The following FUT9 variants were observed in gnomAD, a reference collection of about 807,000 sequenced individuals.
FUT9 encodes the protein 4-galactosyl-N-acetylglucosaminide 3-alpha-L-fucosyltransferase 9.
FUT9 carries 15 observed loss-of-function variants against 29.7 expected under a neutral mutation model. The observed-to-expected ratio is 0.51, with a 90% CI of 0.34 to 0.78. The LOEUF (loss-of-function observed/expected upper bound fraction) is 0.78. Among genes scored for constraint, FUT9 ranks in the 30% least tolerant of loss-of-function variants. FUT9 has a pLI of 0.01. For missense variants in FUT9, 319 were observed against 425.4 expected, an observed-to-expected ratio of 0.75 and a Z score of 2.20; for synonymous variants, 169 against 153.7, an observed-to-expected ratio of 1.10 and a Z score of -0.74.
chr6:96,024,255 A>G (rs1770123973), intron 1 of FUT9, among the ~76,000 whole-genome samples: 1 of 151,866 alleles, frequency 6.6e-6, no homozygotes. Flanking sequence ...ATTCTTGGAT[A>G]GGTGCATATG....
At chr6:96,051,960 A>G (rs9404172) in intron 1 of FUT9, among the ~76,000 whole-genome samples, 98,623 of 151,860 alleles carry the variant, frequency 0.65, 33,038 homozygotes, top group African/African-American at 0.83. Context: ...ATTGGGAAGT[A>G]TATTAGTTCC....
chr6:96,122,616 T>C (rs1188461136), intron 2 of FUT9, among the ~76,000 whole-genome samples: 3 of 152,314 alleles, frequency 2.0e-5, no homozygotes, highest in South Asian at 2.1e-4. Context: ...GTAGGTGCCC[T>C]TATAATGACT....
chr6:96,202,185 G>A (rs879428199), intron 2 of FUT9, among the ~76,000 whole-genome samples: 12 of 151,670 alleles, frequency 7.9e-5, no homozygotes, highest in Non-Finnish European at 1.0e-4. Context: ...CATGAATGCC[G>A]AAGAGAAAAA....
At chr6:96,150,759 G>A (rs183685959) in intron 2 of FUT9, among the ~76,000 whole-genome samples, 5 of 152,288 alleles carry the variant, frequency 3.3e-5, no homozygotes, top group East Asian at 1.9e-4. Context: ...CCAGAATACC[G>A]TGGATCTGTG....
intron 2 of FUT9, among the ~76,000 whole-genome samples, chr6:96,168,317 G>A (rs918546954): frequency 9.9e-5 from 15 of 152,136 alleles, no homozygotes; most frequent in South Asian, 2.1e-4. Context: ...GCACATATAT[G>A]TGGAACAAAA....
chr6:96,110,382 G>T (rs1771777097), intron 1 of FUT9, among the ~76,000 whole-genome samples: 1 of 152,162 alleles, frequency 6.6e-6, no homozygotes, highest in Non-Finnish European at 1.5e-5. Context: ...ACTTGGGATT[G>T]CAAAGTGAAT....
intron 1 of FUT9, among the ~76,000 whole-genome samples, chr6:96,059,354 GGTCA>G (rs1770832705): frequency 6.6e-6 from 1 of 152,144 alleles, no homozygotes; most frequent in Non-Finnish European, 1.5e-5. Context: ...CTCCACGTGA[GGTCA>G]GTCAGAGAAT....
intron 1 of FUT9, among the ~76,000 whole-genome samples, chr6:96,069,081 C>A (rs1208285323): frequency 6.6e-6 from 1 of 152,190 alleles, no homozygotes; most frequent in Non-Finnish European, 1.5e-5. Context: ...CTTTGGGAGG[C>A]CGAGGCTGGC....
At chr6:96,067,736 T>G (rs1394306289) in intron 1 of FUT9, among the ~76,000 whole-genome samples, 3 of 152,148 alleles carry the variant, frequency 2.0e-5, no homozygotes, top group Admixed American at 1.3e-4. Context: ...GTTGTGTTTC[T>G]TTTTTAAAAA....
At chr6:96,062,279 T>C (rs1770888991) in intron 1 of FUT9, among the ~76,000 whole-genome samples, 1 of 151,988 alleles carries the variant, frequency 6.6e-6, no homozygotes, top group Non-Finnish European at 1.5e-5. Context: ...ATATAATTAT[T>C]AAAACTATAG....
At chr6:96,128,607 C>G (rs1772175509) in intron 2 of FUT9, among the ~76,000 whole-genome samples, 1 of 152,006 alleles carries the variant, frequency 6.6e-6, no homozygotes, top group Admixed American at 6.6e-5. Context: ...TTGTTTGACC[C>G]AGTAATTCTA....
At position 96,032,669 on chromosome 6, in the gene FUT9, G is replaced by C. The variant is rs73757717; in HGVS notation, c.-98+16457G>C. Among the ~76,000 whole-genome samples, 261 of 151,546 alleles carry C rather than the reference G, an allele frequency of 1.7e-3. 1 individual carries two copies. Among genetic ancestry groups the C allele is most frequent in the African/African-American group, 6.0e-3 (250 of 41,422 alleles). ...AAATTTAATACTATTGTCTTTACGT[G>C]AAAGTAGGCAGTAAAATTCACCCAT... On this transcript the variant is annotated intron_variant, in intron 1 of 2. Coordinates refer to ENST00000302103, the MANE Select transcript of FUT9 (RefSeq NM_006581.4).
chr6:96,051,010 C>CTGTGTG (rs72037171), intron 1 of FUT9, among the ~76,000 whole-genome samples: 159 of 148,400 alleles, frequency 1.1e-3, no homozygotes, highest in Admixed American at 2.4e-3. Context: ...CTCTCTCTCT[C>CTGTGTG]TCTGTGTGTG....
chr6:96,097,103 G>A (rs1771511123), intron 1 of FUT9, among the ~76,000 whole-genome samples: 1 of 152,148 alleles, frequency 6.6e-6, no homozygotes, highest in East Asian at 1.9e-4. Flanking sequence ...CACAGAATTA[G>A]AAGACACAGG....
chr6:96,163,065 T>C (rs1312584351), intron 2 of FUT9, among the ~76,000 whole-genome samples: 2 of 152,180 alleles, frequency 1.3e-5, no homozygotes, highest in Non-Finnish European at 2.9e-5. Flanking sequence ...CATTGTGAGA[T>C]TCATTTGGAA....
At chr6:96,041,097 G>A (rs2127932589) in intron 1 of FUT9, among the ~76,000 whole-genome samples, 1 of 151,034 alleles carries the variant, frequency 6.6e-6, no homozygotes, top group East Asian at 2.0e-4. Flanking sequence ...CCTTTCCCCA[G>A]TTTTTCTCTC....
intron 1 of FUT9, among the ~76,000 whole-genome samples, chr6:96,068,623 G>A (rs1771002064): frequency 1.3e-5 from 2 of 152,304 alleles, no homozygotes; most frequent in South Asian, 4.1e-4. Context: ...ATAAATGTGA[G>A]ACTTAAAGCA....
chr6:96,107,179 C>T (rs946528036), intron 1 of FUT9, among the ~76,000 whole-genome samples: 3 of 152,038 alleles, frequency 2.0e-5, no homozygotes, highest in Non-Finnish European at 4.4e-5. Flanking sequence ...ATGCATCCAC[C>T]GTATTCCATA....
chr6:96,186,978 C>T (rs8180623), intron 2 of FUT9, among the ~76,000 whole-genome samples: 138,769 of 152,154 alleles, frequency 0.91, 64,647 homozygotes, highest in Non-Finnish European at 1. Context: ...TTTAACCATT[C>T]ATCCAGGCAT....
Sources: allele counts gnomAD v4.1 joint callset (sites outside exome capture counted in the v4.1 genomes callset), GRCh38; gene constraint gnomAD v4.1.1; transcripts MANE v1.5; gene names NCBI Gene and HGNC (gene_info 2026-07-23, HGNC 2026-07-21).